Variants in TENM1 observed in about 807,000 individuals in gnomAD.
TENM1 encodes the protein teneurin-1.
In TENM1, 35 loss-of-function variants were observed where a neutral mutation model predicts 174.8. That is an observed-to-expected ratio of 0.20 (90% confidence interval 0.15 to 0.27). TENM1 has a LOEUF of 0.27. Ranked by LOEUF, TENM1 falls within the 10% of genes least tolerant of loss-of-function variation. TENM1 has a pLI of 1.00. For synonymous variants in TENM1, 781 were observed against 798.7 expected (o/e 0.98, Z 0.37); for missense variants, 1,633 against 2,130.1 (o/e 0.77, Z 4.59).
the TENM1 span, among the ~76,000 whole-genome samples, chrX:125,191,080 G>C: frequency 4.5e-5 from 5 of 110,848 alleles, no homozygotes; most frequent in African/African-American, 1.6e-4. Context: ...GAACATTTGG[G>C]TTCCTTCATA....
At chrX:125,026,092 G>C in the TENM1 span, among the ~76,000 whole-genome samples, 1 of 108,394 alleles carries the variant, frequency 9.2e-6, no homozygotes, top group Non-Finnish European at 1.9e-5. Context: ...ATAGAAAAAA[G>C]AAAGCACAAC....
At chrX:124,838,641 C>T (rs1603239323) in intron 3 of TENM1, among the ~76,000 whole-genome samples, 1 of 111,021 alleles carries the variant, frequency 9.0e-6, no homozygotes, top group East Asian at 2.8e-4. Flanking sequence ...TCAATCCCAC[C>T]TGTTACGCAA....
At chrX:125,006,446 G>A in the TENM1 span, among the ~76,000 whole-genome samples, 5 of 111,995 alleles carry the variant, frequency 4.5e-5, no homozygotes, top group Non-Finnish European at 9.4e-5. Context: ...AGGTTCAGCA[G>A]ACTTAATCTT....
intron 14 of TENM1, among the ~76,000 whole-genome samples, chrX:124,554,343 T>C (rs1221964193): frequency 1.8e-5 from 2 of 111,687 alleles, no homozygotes; most frequent in Admixed American, 1.9e-4. Context: ...TAGACAGATA[T>C]CAAGTATCAG....
At chrX:124,531,489 T>C (rs2048105924) in intron 15 of TENM1, among the ~76,000 whole-genome samples, 1 of 112,213 alleles carries the variant, frequency 8.9e-6, no homozygotes, top group Non-Finnish European at 1.9e-5. Context: ...TATCCTCTTC[T>C]ACGTAAGGGC....
chrX:124,909,792 G>A (rs1005851014), intron 1 of TENM1, among the ~76,000 whole-genome samples: 7 of 112,101 alleles, frequency 6.2e-5, no homozygotes, highest in Non-Finnish European at 7.5e-5. Flanking sequence ...GCTGCCTTGA[G>A]GAGAGTTTTG....
the TENM1 span, among the ~76,000 whole-genome samples, chrX:125,125,230 C>T: frequency 1.5e-4 from 17 of 111,866 alleles, no homozygotes; most frequent in South Asian, 3.7e-4. Context: ...GCCAATAAAT[C>T]GACACATGAC....
chrX:124,440,589 TTTTTTCTGTA>T (rs901298586), intron 23 of TENM1, among the ~76,000 whole-genome samples: 1 of 111,885 alleles, frequency 8.9e-6, no homozygotes, highest in African/African-American at 3.2e-5. Context: ...GATTTAACAT[TTTTTTCTGTA>T]TTACCATCTT....
In TENM1 at chrX:124,551,327, T is replaced by C. The variant is rs568888067; in HGVS notation, c.2435-4237A>G. ...GAGGCATCTAAGATAGTCAAACATA[T>C]AGAAGTAGACAACCGCATGGTGGTT... On this transcript the variant is annotated intron_variant, in intron 14 of 31. Coordinates refer to ENST00000422452, the Ensembl canonical transcript of TENM1. Among the ~76,000 whole-genome samples, 19 of 111,530 alleles carry C rather than the reference T, an allele frequency of 1.7e-4. No individual in the cohort carries two copies. In the South Asian group the frequency reaches 6.4e-3, roughly 38 times the overall value.
the TENM1 span, among the ~76,000 whole-genome samples, chrX:125,128,160 T>TA: frequency 7.2e-5 from 8 of 111,485 alleles, no homozygotes; most frequent in African/African-American, 2.6e-4. Flanking sequence ...AAATTATAAC[T>TA]AAACAAAATT....
chrX:125,049,439 A>T, the TENM1 span, among the ~76,000 whole-genome samples: 1 of 111,935 alleles, frequency 8.9e-6, no homozygotes, highest in Non-Finnish European at 1.9e-5. Flanking sequence ...ACGATATTTC[A>T]TTGTATAGAT....
At chrX:124,431,510 C>T (rs1026240467) in intron 23 of TENM1, among the ~76,000 whole-genome samples, 6 of 111,947 alleles carry the variant, frequency 5.4e-5, no homozygotes, top group African/African-American at 1.3e-4. Flanking sequence ...TAGATTTTTC[C>T]GCACTTCTAA....
At chrX:125,198,504 CA>C in the TENM1 span, among the ~76,000 whole-genome samples, 2 of 111,647 alleles carry the variant, frequency 1.8e-5, no homozygotes, top group Non-Finnish European at 3.8e-5. Context: ...ATGCACAAAT[CA>C]AACTTCTCTT....
the TENM1 span, among the ~76,000 whole-genome samples, chrX:125,120,852 T>G: frequency 4.5e-5 from 5 of 110,798 alleles, no homozygotes; most frequent in African/African-American, 1.6e-4. Flanking sequence ...CATATATGTA[T>G]AGTTGAACAG....
At chrX:124,404,659 C>T (rs2060441621) in intron 27 of TENM1, among the ~76,000 whole-genome samples, 1 of 111,217 alleles carries the variant, frequency 9.0e-6, no homozygotes, top group South Asian at 3.9e-4. Flanking sequence ...GCAGGGACCT[C>T]GGTCAACTCA....
the TENM1 span, among the ~76,000 whole-genome samples, chrX:124,980,365 C>A: frequency 9.0e-6 from 1 of 111,061 alleles, no homozygotes; most frequent in South Asian, 3.8e-4. Context: ...TGCTCTTTAA[C>A]ATATAATGGG....
chrX:124,831,249 C>G (rs1438775755), intron 3 of TENM1, among the ~76,000 whole-genome samples: 2 of 111,096 alleles, frequency 1.8e-5, no homozygotes, highest in Non-Finnish European at 3.8e-5. Flanking sequence ...CTCTGAATCT[C>G]TTACTCAAAA....
intron 31 of TENM1, among the ~76,000 whole-genome samples, 161 bp from the exon 35 acceptor site, chrX:124,381,455 G>GA (rs1445232472): frequency 9.0e-6 from 1 of 111,714 alleles, no homozygotes; most frequent in East Asian, 2.8e-4. Flanking sequence ...CTTCATCAGA[G>GA]ATTTGGAAAA....
rs188012057 is a variant in TENM1 at position 124,515,438 on chromosome X, T to C, written c.3301+5079A>G. Among the ~76,000 whole-genome samples, 301 of 111,584 alleles carry C rather than the reference T, an allele frequency of 2.7e-3. 1 individual carries two copies. The highest frequency in any genetic ancestry group is 4.3e-3 in the Non-Finnish European group (227 of 53,078). ...TGTTGGCAAATAACATGATTCTATATCTGGAAATCCCCATAGATTTGGTCC... is the reference window on the plus strand; with the variant it reads ...TGTTGGCAAATAACATGATTCTATACCTGGAAATCCCCATAGATTTGGTCC... On this transcript the variant is annotated intron_variant, in intron 18 of 31. Coordinates refer to ENST00000422452, the Ensembl canonical transcript of TENM1.
Sources: gnomAD v4.1 joint callset for allele counts (sites outside exome capture counted in the v4.1 genomes callset) on GRCh38, gnomAD v4.1.1 for gene constraint, MANE v1.5 for transcripts, NCBI Gene and HGNC (gene_info 2026-07-23, HGNC 2026-07-21) for gene names.